Variants in COL24A1 observed in about 807,000 individuals in gnomAD.
The protein encoded by COL24A1 is collagen type XXIV alpha 1 chain, also known as collagen alpha-1(XXIV) chain.
A neutral mutation model predicts 253.9 loss-of-function variants in COL24A1; 224 were observed. The ratio of observed to expected loss-of-function variants is 0.88; its 90% confidence interval spans 0.79 to 0.99. The LOEUF (loss-of-function observed/expected upper bound fraction) is 0.99. Among genes scored for constraint, COL24A1 ranks in the 50% least tolerant of loss-of-function variants. The pLI, the probability that COL24A1 is intolerant of heterozygous loss-of-function variation, is 0.00. For synonymous variants in COL24A1, 685 were observed against 673.7 expected, an observed-to-expected ratio of 1.02 and a Z score of -0.26; for missense variants, 2,131 against 2,068.5, an observed-to-expected ratio of 1.03 and a Z score of -0.59.
chr1:85,843,401 T>C (rs1676833017), intron 39 of COL24A1, among the ~76,000 whole-genome samples: 1 of 152,192 alleles, frequency 6.6e-6, no homozygotes, highest in African/African-American at 2.4e-5. Flanking sequence ...AGGTGAATAA[T>C]CTAGAATAGA....
intron 24 of COL24A1, among the ~76,000 whole-genome samples, chr1:85,957,127 G>C (rs958899029): frequency 3.3e-5 from 5 of 152,102 alleles, no homozygotes; most frequent in African/African-American, 1.2e-4. Context: ...ACACATAAGT[G>C]GGAGTTGAAC....
At chr1:86,014,931 C>T (rs776976546) in intron 19 of COL24A1, among the ~76,000 whole-genome samples, 1 of 152,090 alleles carries the variant, frequency 6.6e-6, no homozygotes, top group African/African-American at 2.4e-5. Context: ...TCTGATAATT[C>T]CTTTCTCTTG....
chr1:85,940,826 C>G (rs1688693340), intron 24 of COL24A1, among the ~76,000 whole-genome samples: 1 of 152,174 alleles, frequency 6.6e-6, no homozygotes, highest in African/African-American at 2.4e-5. Flanking sequence ...CCTGGAATGT[C>G]TACTCAACAG....
intron 37 of COL24A1, among the ~76,000 whole-genome samples, chr1:85,866,600 C>A (rs559357718): frequency 3.9e-5 from 6 of 151,968 alleles, no homozygotes; most frequent in African/African-American, 1.4e-4. Flanking sequence ...ATGGTAAAAC[C>A]CCGTCTCTAC....
At chr1:85,793,822 G>C (rs1294275152) in intron 47 of COL24A1, among the ~76,000 whole-genome samples, 1 of 152,014 alleles carries the variant, frequency 6.6e-6, no homozygotes, top group South Asian at 2.1e-4. Context: ...AAAAGACATA[G>C]GTGTTATACC....
At chr1:85,858,082 C>T (rs1181536147) in intron 37 of COL24A1, among the ~76,000 whole-genome samples, 3 of 152,332 alleles carry the variant, frequency 2.0e-5, no homozygotes, top group Middle Eastern at 6.8e-3. Context: ...GATCATTATT[C>T]ACTATCACTG....
At chr1:86,152,038 C>T (rs1343415557) in intron 1 of COL24A1, among the ~76,000 whole-genome samples, 1 of 152,186 alleles carries the variant, frequency 6.6e-6, no homozygotes, top group African/African-American at 2.4e-5. Flanking sequence ...TCTTTACTAG[C>T]TACTAAGATC....
intron 58 of COL24A1, chr1:85,736,210 A>G (rs1326440494): frequency 1.2e-5 from 5 of 430,956 alleles, no homozygotes; most frequent in Non-Finnish European, 2.3e-5. Context: ...CTAGGTTCAT[A>G]GAATAGAGAC....
intron 7 of COL24A1, among the ~76,000 whole-genome samples, chr1:86,071,635 T>C (rs1701880231): frequency 6.6e-6 from 1 of 152,060 alleles, no homozygotes; most frequent in Non-Finnish European, 1.5e-5. Flanking sequence ...AAACAAAAAC[T>C]ATAAGATGAG....
At chr1:86,091,142 A>G (rs1036904536) in intron 6 of COL24A1, among the ~76,000 whole-genome samples, 3 of 152,098 alleles carry the variant, frequency 2.0e-5, no homozygotes, top group East Asian at 1.9e-4. Flanking sequence ...TACTATGTTT[A>G]TAGTAATAAT....
intron 10 of COL24A1, among the ~76,000 whole-genome samples, chr1:86,052,850 T>G (rs1029605963): frequency 6.6e-6 from 1 of 152,076 alleles, no homozygotes; most frequent in Non-Finnish European, 1.5e-5. Flanking sequence ...CCTTAGAATT[T>G]AGTTAAGTAT....
chr1:86,101,964 C>G (rs1358968938), intron 5 of COL24A1, among the ~76,000 whole-genome samples: 1 of 151,774 alleles, frequency 6.6e-6, no homozygotes, highest in Non-Finnish European at 1.5e-5. Context: ...ATTGTACCAG[C>G]TCTTTTTTGT....
intron 23 of COL24A1, 32 bp from the exon 24 acceptor site, chr1:85,961,325 A>C: frequency 6.5e-7 from 1 of 1,529,964 alleles, no homozygotes; most frequent in Non-Finnish European, 9.0e-7. Flanking sequence ...TTGCAAAAAC[A>C]GTTATTTTTC....
chr1:85,806,158 T>C (rs1035347680), intron 47 of COL24A1, among the ~76,000 whole-genome samples: 1 of 152,092 alleles, frequency 6.6e-6, no homozygotes, highest in African/African-American at 2.4e-5. Flanking sequence ...AGATACAAAT[T>C]TTCTCCAACT....
intron 7 of COL24A1, among the ~76,000 whole-genome samples, chr1:86,064,725 G>A (rs2101793125): frequency 6.6e-6 from 1 of 152,262 alleles, no homozygotes; most frequent in Middle Eastern, 3.4e-3. Flanking sequence ...GAATTACTCA[G>A]TATTAATCAC....
At chr1:85,868,717 T>C in intron 36 of COL24A1, 65 bp downstream of exon 36, 5 of 1,406,922 alleles carry the variant, frequency 3.6e-6, no homozygotes, top group Non-Finnish European at 4.9e-6. Context: ...AAAACAATGA[T>C]GTCTAATATT....
rs567286595 is a variant in COL24A1 at position 85,975,209 on chromosome 1, CT to C, written c.2365-3817del. 9.2e-5 allele frequency among the ~76,000 whole-genome samples: 14 copies of C among 151,926 alleles called. No homozygotes were observed. In the South Asian group the frequency reaches 2.7e-3, roughly 29 times the overall value. Reference sequence around the variant, plus strand: ...TAATATGAAAAAAGTATGGAGTTTCCTCAAAAAAATAAAAATAGAACTACCA... The same window carrying C: ...TAATATGAAAAAAGTATGGAGTTTCCCAAAAAAATAAAAATAGAACTACCA... On this transcript the variant is annotated intron_variant, in intron 20 of 59. Coordinates refer to ENST00000370571, the MANE Select transcript of COL24A1 (RefSeq NM_152890.7).
chr1:86,012,456 GCA>G, intron 19 of COL24A1, among the ~76,000 whole-genome samples: 4 of 152,254 alleles, frequency 2.6e-5, no homozygotes, highest in Non-Finnish European at 5.9e-5. Flanking sequence ...TGGTGTGGTG[GCA>G]TGCGCCTGTA....
intron 19 of COL24A1, among the ~76,000 whole-genome samples, chr1:85,995,912 C>A (rs1694747194): frequency 6.6e-6 from 1 of 152,180 alleles, no homozygotes; most frequent in Non-Finnish European, 1.5e-5. Flanking sequence ...TTTCCTGGGG[C>A]CTCCCCAACC....
Sources: allele counts gnomAD v4.1 joint callset (sites outside exome capture counted in the v4.1 genomes callset), GRCh38; gene constraint gnomAD v4.1.1; transcripts MANE v1.5; gene names NCBI Gene and HGNC (gene_info 2026-07-23, HGNC 2026-07-21).